Variants in ERAP1 observed in about 807,000 individuals in gnomAD.
ERAP1 encodes adipocyte-derived leucine aminopeptidase.
Under a neutral mutation model 103.7 loss-of-function variants are expected in ERAP1, and 86 were observed. That is an observed-to-expected ratio of 0.83 (90% CI 0.70 to 0.99). ERAP1 has a LOEUF of 0.99. Ranked by LOEUF, ERAP1 falls within the 50% of genes least tolerant of loss-of-function variation. The pLI, the probability that ERAP1 is intolerant of heterozygous loss-of-function variation, is 0.00. For missense variants in ERAP1, 1,009 were observed against 1,128.4 expected (o/e 0.89, Z 1.52); for synonymous variants, 398 against 402.4 (o/e 0.99, Z 0.13).
At chr5:96,900,926 A>G in the ERAP1 span, among the ~76,000 whole-genome samples, 7 of 152,162 alleles carry the variant, frequency 4.6e-5, no homozygotes, top group African/African-American at 1.7e-4. Flanking sequence ...TGGCCTCCCA[A>G]AATGCTGGGA....
At position 96,793,806 on chromosome 5, in the gene ERAP1, G is replaced by C; in HGVS notation, c.1071C>G (p.His357Gln). Residue 357 changes from histidine to glutamine, a missense_variant, in exon 6 of 19, where the codon CAC becomes CAG. His to Gln is a conservative substitution (Grantham distance 24). Transcript: ENST00000443439. ...ITMTVAHELA[H>Q]QWFGNLVTME... ...AAAAGTGTGAATGAGCTTATACCTG[G>C]TGAGCCAGTTCATGGGCCACAGTCA... 1 of 1,612,990 alleles carries C rather than the reference G, an allele frequency of 6.2e-7. No individual in the cohort carries two copies. Among genetic ancestry groups the C allele is most frequent in the Non-Finnish European group, 8.5e-7 (1 of 1,179,128 alleles).
chr5:96,833,913 T>A, the ERAP1 span, among the ~76,000 whole-genome samples: 1 of 152,206 alleles, frequency 6.6e-6, no homozygotes. Flanking sequence ...TTTGTCTTTG[T>A]ATTCATTAAA....
Position 96,784,392 on chromosome 5 carries a change from C to T in ERAP1, c.1944-312G>A, listed in dbSNP as rs149033318. Among the ~76,000 whole-genome samples the T allele has an allele frequency of 8.0e-3, 1,219 of 152,030 alleles. 6 individuals are homozygous for T. The highest frequency in any genetic ancestry group is 0.011 in the Non-Finnish European group (748 of 67,976). ...TACTTGGTATGTGGGAGGCTGAGGC[C>T]GGAGAATCACTTGAACCCGGGAGGC... On this transcript the variant is annotated intron_variant, in intron 13 of 18. Transcript: ENST00000443439.
At chr5:96,933,577 C>T in the ERAP1 span, among the ~76,000 whole-genome samples, 1 of 151,934 alleles carries the variant, frequency 6.6e-6, no homozygotes, top group African/African-American at 2.4e-5. Context: ...TTTTTTATCA[C>T]GTCTCTGCAG....
chr5:96,781,640 A>G (rs1775183870), intron 16 of ERAP1, 53 bp downstream of exon 16: 14 of 1,607,250 alleles, frequency 8.7e-6, no homozygotes, highest in East Asian at 4.5e-5. Flanking sequence ...AGAATGATCT[A>G]ATCTAATCTA....
chr5:96,801,079 T>C (rs541973762), intron 2 of ERAP1, 79 bp from the exon 3 acceptor site: 1 of 1,468,260 alleles, frequency 6.8e-7, no homozygotes, highest in African/African-American at 1.4e-5. Flanking sequence ...TTTTAATTCC[T>C]AAAGTTACTA....
the ERAP1 span, chr5:96,879,495 C>T: frequency 1.8e-6 from 1 of 547,836 alleles, no homozygotes; most frequent in Non-Finnish European, 3.2e-6. Context: ...TACCTTTTTA[C>T]ATGTTTAAGA....
chr5:96,842,734 T>C, the ERAP1 span, among the ~76,000 whole-genome samples: 1 of 152,380 alleles, frequency 6.6e-6, no homozygotes, highest in African/African-American at 2.4e-5. Flanking sequence ...GGGTTGTCTG[T>C]CTACTCTGCT....
At position 96,776,009 on chromosome 5, in the gene ERAP1, T is replaced by C. The variant is rs1774218346; in HGVS notation, c.*387A>G. On this transcript the variant is annotated 3_prime_UTR_variant, in exon 19 of 19. Coordinates refer to ENST00000443439, the MANE Select transcript of ERAP1 (RefSeq NM_001040458.3). ...GCTTAGTCTCAGATCCAGGTGTTCA[T>C]TGTTCAGTAGTCGACTATTCAGAGT... is the stretch of plus-strand genomic sequence containing the variant. 4 of 1,095,390 alleles carry C rather than the reference T, an allele frequency of 3.7e-6. No homozygotes were observed. Among genetic ancestry groups the C allele is most frequent in the African/African-American group, 1.7e-5 (1 of 60,390 alleles). 67.9% of individuals were successfully genotyped at this position (1,095,390 alleles called of 1,614,324 possible).
At chr5:96,809,171 G>A (rs921393307), upstream of ERAP1, among the ~76,000 whole-genome samples, 4 of 152,196 alleles carry the variant, frequency 2.6e-5, no homozygotes, top group African/African-American at 9.6e-5. Context: ...CCTGGTTTTG[G>A]TGGGTTTTGG....
the ERAP1 span, among the ~76,000 whole-genome samples, chr5:96,829,409 G>A: frequency 6.6e-6 from 1 of 152,134 alleles, no homozygotes; most frequent in South Asian, 2.1e-4. Context: ...GGAAGGAATT[G>A]AAAACATTAT....
Position 96,790,376 on chromosome 5 carries a change from C to T in ERAP1, c.1453-9G>A, listed in dbSNP as rs769323909. 42 of 1,613,596 alleles carry T rather than the reference C, an allele frequency of 2.6e-5. No individual in the cohort carries two copies. In the East Asian group the frequency reaches 9.4e-4, roughly 36 times the overall value. ...CCATCTGTAGGGCAAATCTAAAAAC[C>T]AAAAATAAACACATCACTCTTATTT... On this transcript the variant is annotated splice_polypyrimidine_tract_variant and intron_variant, in intron 9 of 18. Coordinates refer to ENST00000443439, the MANE Select transcript of ERAP1 (RefSeq NM_001040458.3).
chr5:96,915,801 A>T, the ERAP1 span: 1 of 1,479,984 alleles, frequency 6.8e-7, no homozygotes, highest in Non-Finnish European at 9.3e-7. Flanking sequence ...ACAATTTCAA[A>T]ATAAATGTTC....
the ERAP1 span, chr5:96,918,794 T>G: frequency 1.3e-5 from 2 of 152,224 alleles, no homozygotes; most frequent in Admixed American, 1.3e-4. Context: ...TTGTGTATTT[T>G]CGGTTAAATG....
rs1778203959 is a variant in ERAP1, at chr5:96,803,401, A to T, written c.524+2T>A. 2.5e-6 allele frequency: 4 copies of T among 1,612,494 alleles called. No individual in the cohort carries two copies. In the East Asian group the frequency reaches 8.9e-5, roughly 36 times the overall value. On this transcript the variant is annotated splice_donor_variant, in intron 2 of 18. Coordinates refer to ENST00000443439, the MANE Select transcript of ERAP1 (RefSeq NM_001040458.3). LOFTEE classifies it high-confidence loss of function. ...TTAAAAGAAAAAGAGAAAAAAAAAT[A>T]CCTCAGTTCCCCTTCCTTGGTTCTG...
At chr5:96,903,554 T>A in the ERAP1 span, 79,170 of 1,594,986 alleles carry the variant, frequency 0.05, 2,284 homozygotes, top group Middle Eastern at 0.098. Context: ...GTGTTTCAGC[T>A]AGTTGGGTAA....
chr5:96,788,771 C>A (rs558902552), intron 10 of ERAP1, 86 bp from the exon 11 acceptor site: 25 of 1,535,946 alleles, frequency 1.6e-5, no homozygotes, highest in Non-Finnish European at 2.2e-5. Context: ...CTCAAACAGC[C>A]GCTACCAGTT....
At chr5:96,786,133 CA>C in intron 12 of ERAP1, 162 bp from the exon 13 acceptor site, 1 of 686,828 alleles carries the variant, frequency 1.5e-6, no homozygotes, top group Non-Finnish European at 2.5e-6. Context: ...ACTCAATAGA[CA>C]AAAGCTAACA....
At position 96,776,685 on chromosome 5, in the gene ERAP1, G is replaced by C. The variant is rs1280840626; in HGVS notation, c.2671-134C>G. On this transcript the variant is annotated intron_variant, in intron 18 of 18. Coordinates refer to ENST00000443439, the MANE Select transcript of ERAP1 (RefSeq NM_001040458.3). Reference sequence around the variant, plus strand: ...GAAGGCAGTCCCAGCTGTCTGAATAGGATTATGTACACATAAGCTGTATGA... The same window carrying C: ...GAAGGCAGTCCCAGCTGTCTGAATACGATTATGTACACATAAGCTGTATGA... 1.0e-4 allele frequency: 133 copies of C among 1,297,562 alleles called. 2 individuals carry two copies. The highest frequency in any genetic ancestry group is 5.3e-6 in the Non-Finnish European group (5 of 947,686). 80.4% of individuals were successfully genotyped at this position (1,297,562 alleles called of 1,614,324 possible).
Sources: gnomAD v4.1 joint callset for allele counts (sites outside exome capture counted in the v4.1 genomes callset) on GRCh38, gnomAD v4.1.1 for gene constraint, MANE v1.5 for transcripts, NCBI Gene and HGNC (gene_info 2026-07-23, HGNC 2026-07-21) for gene names.